Variants in LMBR1L observed in about 807,000 individuals in gnomAD.
The protein encoded by LMBR1L is protein LMBR1L.
Under a neutral mutation model 67.3 loss-of-function variants are expected in LMBR1L, and 47 were observed. That is an observed-to-expected ratio of 0.70 (90% CI 0.55 to 0.89). The LOEUF is 0.89. Among genes scored for constraint, LMBR1L ranks in the 40% least tolerant of loss-of-function variants. The pLI, the probability that LMBR1L is intolerant of heterozygous loss-of-function variation, is 0.00. For synonymous variants in LMBR1L, 247 were observed against 250.3 expected (o/e 0.99, Z 0.13); for missense variants, 533 against 599.2 (o/e 0.89, Z 1.15).
intron 11 of LMBR1L, 98 bp from the exon 12 acceptor site, chr12:49,101,647 C>T: frequency 1.2e-6 from 1 of 840,088 alleles, no homozygotes; most frequent in Non-Finnish European, 1.9e-6. Flanking sequence ...TTTCAGTTTC[C>T]AAGACTAGCT....
Position 49,097,614 on chromosome 12 carries a change from C to T in LMBR1L, c.*58G>A, listed in dbSNP as rs1433052773. The T allele has an allele frequency of 1.3e-6, 2 of 1,565,638 alleles. No individual in the cohort carries two copies. The highest frequency in any genetic ancestry group is 1.8e-6 in the Non-Finnish European group (2 of 1,139,560). On this transcript the variant is annotated 3_prime_UTR_variant, in exon 17 of 17. Transcript: ENST00000267102. ...GTCCAAGTAGCCTTGGGCTTCCCTC[C>T]AGGCCTAGGCAGCAGATGGCAGTGT...
intron 11 of LMBR1L, chr12:49,101,908 G>A: frequency 1.7e-6 from 1 of 594,106 alleles, no homozygotes; most frequent in South Asian, 2.0e-5. Context: ...GTGTCTTTGG[G>A]CAAGTCACTC....
chr12:49,110,422 C>T, intron 1 of LMBR1L, 62 bp downstream of exon 1: 2 of 1,521,308 alleles, frequency 1.3e-6, no homozygotes, highest in South Asian at 1.1e-5. Flanking sequence ...CAGGTGGGCT[C>T]GGACCCCAAC....
chr12:49,102,044 G>T, intron 11 of LMBR1L, 76 bp downstream of exon 11: 1 of 1,279,558 alleles, frequency 7.8e-7, no homozygotes, highest in Non-Finnish European at 1.1e-6. Context: ...CCAGGTCCCT[G>T]CATTGCCTCC....
chr12:49,100,320 G>A (rs1939979620), intron 15 of LMBR1L, 68 bp downstream of exon 15: 1 of 1,181,116 alleles, frequency 8.5e-7, no homozygotes, highest in South Asian at 1.2e-5. Context: ...TGTATATAAA[G>A]TGCCTGCTTT....
At chr12:49,099,651 A>G (rs1939872221) in intron 15 of LMBR1L, among the ~76,000 whole-genome samples, 1 of 149,398 alleles carries the variant, frequency 6.7e-6, no homozygotes, top group African/African-American at 2.5e-5. Flanking sequence ...GCGTGAGCTC[A>G]GCTCACCGCA....
intron 15 of LMBR1L, among the ~76,000 whole-genome samples, chr12:49,098,993 T>TGGCCTCCAAAG (rs1188576856): frequency 6.6e-6 from 1 of 151,872 alleles, no homozygotes; most frequent in Non-Finnish European, 1.5e-5. Context: ...TTTTTTTTTT[T>TGGCCTCCAAAG]TGGTAGAGAT....
intron 5 of LMBR1L, 54 bp from the exon 6 acceptor site, chr12:49,103,867 A>G: frequency 1.3e-6 from 2 of 1,539,562 alleles, no homozygotes; most frequent in Non-Finnish European, 1.8e-6. Context: ...GTGTGGGAAC[A>G]TTGGAGATGG....
rs760098460 is a variant in LMBR1L, at chr12:49,101,124, C to T, written c.1082+126G>A. ...TTTCTGAACCTGAGGTTGATGAAAA[C>T]TTGCCCCACTTCCCATCAGCGTTGC... On this transcript the variant is annotated intron_variant, in intron 13 of 16. Transcript: ENST00000267102. 2.5e-6 allele frequency: 4 copies of T among 1,582,158 alleles called. No homozygotes were observed. The South Asian group carries it at 4.6e-5, about 18-fold the overall frequency.
intron 5 of LMBR1L, chr12:49,104,078 C>T: frequency 2.0e-6 from 1 of 493,254 alleles, no homozygotes; most frequent in South Asian, 3.0e-5. Context: ...CCGAGGTCTG[C>T]ATCCCACAAG....
chr12:49,103,355 TA>T (rs1940468589), intron 6 of LMBR1L, among the ~76,000 whole-genome samples, 196 bp from the exon 7 acceptor site: 2 of 152,186 alleles, frequency 1.3e-5, no homozygotes, highest in Admixed American at 1.3e-4. Flanking sequence ...AACCCCTAAC[TA>T]AAGGGTACAA....
intron 15 of LMBR1L, among the ~76,000 whole-genome samples, chr12:49,099,966 A>C (rs751518322): frequency 9.2e-5 from 14 of 152,252 alleles, no homozygotes; most frequent in Non-Finnish European, 1.8e-4. Flanking sequence ...ACACCAGTGT[A>C]TAGAGAAAGC....
Position 49,097,386 on chromosome 12 carries a change from G to C in LMBR1L, c.*286C>G. 1 of 465,022 alleles carries C rather than the reference G, an allele frequency of 2.2e-6. No individual in the cohort carries two copies. 28.8% of individuals were successfully genotyped at this position (465,022 alleles called of 1,614,324 possible). A position where few individuals can be genotyped will look rare whatever the true frequency, so the allele number is the denominator to read the frequency against. ...TAAACATGGCTATGGGGATGGCCCA[G>C]AACAGCAGTGAGGCAGATTGATGTG... On this transcript the variant is annotated 3_prime_UTR_variant, in exon 17 of 17. Coordinates refer to ENST00000267102, the MANE Select transcript of LMBR1L (RefSeq NM_018113.4).
rs17123545 is a variant in LMBR1L at position 49,109,807 on chromosome 12, C to A, written c.72+677G>T. On this transcript the variant is annotated intron_variant, in intron 1 of 16. Coordinates refer to ENST00000267102, the MANE Select transcript of LMBR1L (RefSeq NM_018113.4). ...CAGGGAGGGCGTAAGGAACAGCAGC[C>A]AGGTACCCTCTGAAGCCCTGGGAGG... 138 of 449,596 alleles carry A rather than the reference C, an allele frequency of 3.1e-4. 1 individual carries two copies. The East Asian group carries it at 6.4e-3, about 21-fold the overall frequency. The allele number at this position is 449,596 out of a possible 1,614,324, so 27.9% of individuals were successfully genotyped here.
chr12:49,100,298 T>G, intron 15 of LMBR1L, 90 bp downstream of exon 15: 4 of 985,282 alleles, frequency 4.1e-6, no homozygotes, highest in South Asian at 3.9e-5. Flanking sequence ...GTTGTGGGAA[T>G]TAGAGAAATT....
In LMBR1L at chr12:49,101,508, C is replaced by G. The variant is rs1940183136; in HGVS notation, c.972G>C (p.Leu324=). ...GGGGCATGGCAGCCTCATCGATGAG[C>G]AGCTCCAGGATGTGGATGGCCACAA... ...VLIVAIHILE[L]LIDEAAMPRG... The change falls in exon 12 of 17, where the codon CTG becomes CTC. Residue 324 remains leucine (L), a synonymous_variant. Coordinates refer to ENST00000267102, the MANE Select transcript of LMBR1L (RefSeq NM_018113.4). 6.2e-7 allele frequency: 1 copy of G among 1,613,870 alleles called. No individual in the cohort carries two copies. Among genetic ancestry groups the G allele is most frequent in the African/African-American group, 1.3e-5 (1 of 74,916 alleles).
chr12:49,108,927 C>A (rs1941236846), intron 1 of LMBR1L, among the ~76,000 whole-genome samples: 1 of 152,100 alleles, frequency 6.6e-6, no homozygotes, highest in East Asian at 1.9e-4. Flanking sequence ...GGAGAGCCAT[C>A]GATCTAGAAC....
At position 49,106,943 on chromosome 12, in the gene LMBR1L, G is replaced by A; in HGVS notation, c.157+18C>T. On this transcript the variant is annotated intron_variant, in intron 2 of 16. Transcript: ENST00000267102. ...ATGGCAACAGGGACTCTAGCAGGAG[G>A]GAGGGAAATCAAAGTACCTGTGGTG... 1 of 1,576,472 alleles carries A rather than the reference G, an allele frequency of 6.3e-7. No homozygotes were observed. Among genetic ancestry groups the A allele is most frequent in the Non-Finnish European group, 8.7e-7 (1 of 1,145,836 alleles).
rs200537342 is a variant in LMBR1L at position 49,100,367 on chromosome 12, TCTC to T, written c.1240+18_1240+20del. 30 of 1,597,592 alleles carry T rather than the reference TCTC, an allele frequency of 1.9e-5. No individual in the cohort carries two copies. The African/African-American group carries it at 2.8e-4, about 15-fold the overall frequency. ...TACTCAAAAAAATCCAATTCCTTTATCTCCTCCTTTCAATACTTACCCAGGGTT... is the reference window on the plus strand; with the variant it reads ...TACTCAAAAAAATCCAATTCCTTTATCTCCTTTCAATACTTACCCAGGGTT... On this transcript the variant is annotated intron_variant, in intron 15 of 16. Coordinates refer to ENST00000267102, the MANE Select transcript of LMBR1L (RefSeq NM_018113.4).
Sources: allele counts gnomAD v4.1 joint callset (sites outside exome capture counted in the v4.1 genomes callset), GRCh38; gene constraint gnomAD v4.1.1; transcripts MANE v1.5; gene names NCBI Gene and HGNC (gene_info 2026-07-23, HGNC 2026-07-21).